Variants in C8orf34 observed in about 807,000 individuals in gnomAD.
C8orf34 encodes chromosome 8 open reading frame 34.
C8orf34 carries 65 observed loss-of-function variants against 68.3 expected under a neutral mutation model. That is an observed-to-expected ratio of 0.95 (90% CI 0.78 to 1.17). The LOEUF is 1.17. Among genes scored for constraint, C8orf34 ranks in the 50% most tolerant of loss-of-function variants. The pLI, the probability that C8orf34 is intolerant of heterozygous loss-of-function variation, is 0.00. For synonymous variants in C8orf34, 244 were observed against 241.2 expected (o/e 1.01, Z -0.11); for missense variants, 664 against 655.4 (o/e 1.01, Z -0.14).
At chr8:68,432,939 G>A (rs1023908760) in intron 1 of C8orf34, among the ~76,000 whole-genome samples, 1 of 152,308 alleles carries the variant, frequency 6.6e-6, no homozygotes, top group South Asian at 2.1e-4. Flanking sequence ...GAAAAGGCAT[G>A]CATGGGCTAT....
chr8:68,404,223 G>T (rs1399261178), intron 1 of C8orf34, among the ~76,000 whole-genome samples: 4 of 152,048 alleles, frequency 2.6e-5, no homozygotes, highest in African/African-American at 7.2e-5. Flanking sequence ...TGATAGGGTC[G>T]TTTGTTTTTT....
At chr8:68,524,571 G>A (rs1814897462) in intron 6 of C8orf34, among the ~76,000 whole-genome samples, 1 of 152,158 alleles carries the variant, frequency 6.6e-6, no homozygotes, top group African/African-American at 2.4e-5. Flanking sequence ...AAAAGTGAGA[G>A]GAATTCACCG....
chr8:68,749,487 GT>G (rs1195621708), intron 10 of C8orf34, among the ~76,000 whole-genome samples: 1 of 152,074 alleles, frequency 6.6e-6, no homozygotes, highest in Non-Finnish European at 1.5e-5. Context: ...CCCATTTTAA[GT>G]ATATAATAAA....
intron 10 of C8orf34, among the ~76,000 whole-genome samples, chr8:68,773,681 G>A (rs574524761): frequency 1.2e-4 from 19 of 152,104 alleles, no homozygotes; most frequent in Admixed American, 3.9e-4. Context: ...CCGCCACACC[G>A]GCCCCTCCGA....
At chr8:68,664,479 T>C (rs911347891) in intron 8 of C8orf34, among the ~76,000 whole-genome samples, 1 of 152,222 alleles carries the variant, frequency 6.6e-6, no homozygotes, top group Admixed American at 6.5e-5. Context: ...ACATCCATTC[T>C]ATTTTTCACT....
chr8:68,398,225 C>T (rs1808800515), intron 1 of C8orf34, among the ~76,000 whole-genome samples: 1 of 152,006 alleles, frequency 6.6e-6, no homozygotes, highest in Non-Finnish European at 1.5e-5. Flanking sequence ...TAAAATATAT[C>T]CTATGGTTTT....
At chr8:68,367,935 A>AAAAAAAAAAAAAAAAAAC (rs1807379171) in intron 1 of C8orf34, among the ~76,000 whole-genome samples, 1 of 134,028 alleles carries the variant, frequency 7.5e-6, no homozygotes, top group Non-Finnish European at 1.7e-5. Context: ...AAAAAAAAAA[A>AAAAAAAAAAAAAAAAAAC]AAGAAAAAAG....
At chr8:68,679,489 C>A (rs918277014) in intron 8 of C8orf34, among the ~76,000 whole-genome samples, 1 of 151,986 alleles carries the variant, frequency 6.6e-6, no homozygotes, top group African/African-American at 2.4e-5. Flanking sequence ...GGCAAAATGT[C>A]CATTCTACCC....
intron 7 of C8orf34, among the ~76,000 whole-genome samples, chr8:68,614,556 C>T (rs1818133955): frequency 6.6e-6 from 1 of 152,140 alleles, no homozygotes; most frequent in East Asian, 1.9e-4. Flanking sequence ...ATCCTTTCCC[C>T]ATTGCTTGTT....
At chr8:68,542,663 G>A (rs1384122949) in intron 7 of C8orf34, among the ~76,000 whole-genome samples, 2 of 152,098 alleles carry the variant, frequency 1.3e-5, no homozygotes, top group African/African-American at 2.4e-5. Flanking sequence ...AATGTGAGTG[G>A]AGTTATTTTC....
chr8:68,765,429 T>C (rs949326499), intron 10 of C8orf34, among the ~76,000 whole-genome samples: 1 of 152,138 alleles, frequency 6.6e-6, no homozygotes, highest in Non-Finnish European at 1.5e-5. Flanking sequence ...GCAAAAGAAA[T>C]AATGTACATA....
chr8:68,522,827 C>G (rs879480667), intron 6 of C8orf34, among the ~76,000 whole-genome samples: 1 of 152,152 alleles, frequency 6.6e-6, no homozygotes, highest in Non-Finnish European at 1.5e-5. Context: ...GGAGTTTAAG[C>G]TTTCTGTGAG....
chr8:68,412,194 A>G (rs530497090), intron 1 of C8orf34, among the ~76,000 whole-genome samples: 8 of 152,310 alleles, frequency 5.3e-5, no homozygotes, highest in African/African-American at 1.9e-4. Flanking sequence ...GCCGGAACAG[A>G]CTAAGACAGG....
chr8:68,457,850 T>A (rs971369692), intron 3 of C8orf34, among the ~76,000 whole-genome samples: 1 of 152,326 alleles, frequency 6.6e-6, no homozygotes, highest in Non-Finnish European at 1.5e-5. Context: ...ATTTTTCATT[T>A]TCCCTGTGGA....
At chr8:68,544,642 C>T (rs1384666015) in intron 7 of C8orf34, among the ~76,000 whole-genome samples, 1 of 152,042 alleles carries the variant, frequency 6.6e-6, no homozygotes, top group African/African-American at 2.4e-5. Context: ...ATATTGTATG[C>T]ATTTAATGGA....
chr8:68,629,350 C>G (rs1818623908), intron 7 of C8orf34, among the ~76,000 whole-genome samples: 1 of 152,156 alleles, frequency 6.6e-6, no homozygotes, highest in African/African-American at 2.4e-5. Context: ...GATGGAGAAG[C>G]CTGTTCAGAT....
rs537063592 is a variant in C8orf34, at chr8:68,706,540, A to G, written c.1242-2454A>G. Among the ~76,000 whole-genome samples, 20 of 152,240 alleles carry G rather than the reference A, an allele frequency of 1.3e-4. No individual in the cohort carries two copies. The East Asian group carries it at 3.5e-3, about 26-fold the overall frequency. On this transcript the variant is annotated intron_variant, in intron 8 of 13. Coordinates refer to ENST00000518698, the MANE Select transcript of C8orf34 (RefSeq NM_052958.4). The stretch of plus-strand genomic sequence containing the variant: ...TGGTTGCGTAGAAAGTGTTAAGGAG[A>G]GTGACACTGTGAAAGAGCCTGAAGG...
intron 4 of C8orf34, among the ~76,000 whole-genome samples, chr8:68,480,048 C>A (rs6987896): frequency 0.02 from 3,082 of 152,200 alleles, 112 homozygotes; most frequent in African/African-American, 0.07. Context: ...AAAATGTTTT[C>A]AACTTTTGTT....
At chr8:68,348,768 G>C (rs760818127) in intron 1 of C8orf34, among the ~76,000 whole-genome samples, 1 of 151,910 alleles carries the variant, frequency 6.6e-6, no homozygotes, top group Non-Finnish European at 1.5e-5. Flanking sequence ...TTATCAGTTT[G>C]GCTGTTGTTG....
Sources: gnomAD v4.1 joint callset for allele counts (sites outside exome capture counted in the v4.1 genomes callset) on GRCh38, gnomAD v4.1.1 for gene constraint, MANE v1.5 for transcripts, NCBI Gene and HGNC (gene_info 2026-07-23, HGNC 2026-07-21) for gene names.